The following ALCAM variants were observed in gnomAD, a reference collection of about 807,000 sequenced individuals.
The protein encoded by ALCAM is activated leukocyte cell adhesion molecule.
A neutral mutation model predicts 70.9 loss-of-function variants in ALCAM; 30 were observed. That is an observed-to-expected ratio of 0.42 (90% confidence interval 0.32 to 0.57). The LOEUF (loss-of-function observed/expected upper bound fraction) is 0.57, where lower values mean the gene tolerates loss of function less well. Ranked by LOEUF, ALCAM falls within the 20% of genes least tolerant of loss-of-function variation. ALCAM has a pLI of 0.11. For missense variants in ALCAM, 591 were observed against 695.1 expected, an observed-to-expected ratio of 0.85 and a Z score of 1.68; for synonymous variants, 249 against 242.5, an observed-to-expected ratio of 1.03 and a Z score of -0.25.
At chr3:105,493,097 G>A (rs1938634780) in intron 1 of ALCAM, among the ~76,000 whole-genome samples, 1 of 152,096 alleles carries the variant, frequency 6.6e-6, no homozygotes, top group South Asian at 2.1e-4. Context: ...CAGCACTGTA[G>A]TATGAGGAAA....
intron 14 of ALCAM, 164 bp downstream of exon 14, chr3:105,552,749 C>T (rs1940440493): frequency 2.1e-6 from 3 of 1,446,724 alleles, no homozygotes; most frequent in Admixed American, 2.6e-5. Flanking sequence ...ATTTTGACTA[C>T]ACTGCCTTTG....
At chr3:105,535,586 A>C (rs1160121637) in intron 6 of ALCAM, among the ~76,000 whole-genome samples, 1 of 152,132 alleles carries the variant, frequency 6.6e-6, no homozygotes, top group East Asian at 1.9e-4. Context: ...TACCTAACTG[A>C]TAGTGTTGTT....
chr3:105,503,284 G>T (rs1938974092), intron 1 of ALCAM, among the ~76,000 whole-genome samples: 1 of 152,204 alleles, frequency 6.6e-6, no homozygotes. Context: ...TTTCCTATTT[G>T]CCTAGTGAGT....
rs752648501 is a variant in ALCAM, at chr3:105,494,176, C to A, written c.74-25891C>A. Among the ~76,000 whole-genome samples, 11 of 152,174 alleles carry A rather than the reference C, an allele frequency of 7.2e-5. No individual in the cohort carries two copies. The South Asian group carries it at 1.7e-3, about 23-fold the overall frequency. ...GAAATCTCTGTGAGACATATGGGCC[C>A]AATGGGGGGGAAAAAGCTATTATAT... is the stretch of plus-strand genomic sequence containing the variant. On this transcript the variant is annotated intron_variant, in intron 1 of 15. Coordinates refer to ENST00000306107, the MANE Select transcript of ALCAM (RefSeq NM_001627.4).
chr3:105,437,638 C>A (rs954349104), intron 1 of ALCAM, among the ~76,000 whole-genome samples: 8 of 152,012 alleles, frequency 5.3e-5, no homozygotes, highest in Admixed American at 5.2e-4. Flanking sequence ...ATACATATAT[C>A]ATCTTTCTAG....
intron 1 of ALCAM, among the ~76,000 whole-genome samples, chr3:105,451,351 T>G (rs537689413): frequency 1.1e-4 from 17 of 149,140 alleles, no homozygotes; most frequent in African/African-American, 3.9e-4. Context: ...GATGAAGAGA[T>G]AAGAAAAAAA....
chr3:105,373,082 T>C (rs1935278002), intron 1 of ALCAM, among the ~76,000 whole-genome samples: 1 of 152,122 alleles, frequency 6.6e-6, no homozygotes, highest in Non-Finnish European at 1.5e-5. Flanking sequence ...TATTACATCA[T>C]ATGAGTTTCC....
intron 1 of ALCAM, among the ~76,000 whole-genome samples, chr3:105,382,750 G>C (rs1451232001): frequency 3.9e-5 from 6 of 151,912 alleles, no homozygotes; most frequent in Non-Finnish European, 5.9e-5. Context: ...TTTGAGAACT[G>C]TCTGTTCATA....
intron 14 of ALCAM, among the ~76,000 whole-genome samples, chr3:105,561,193 A>G (rs1940623272): frequency 6.6e-6 from 1 of 152,106 alleles, no homozygotes. Flanking sequence ...AATTGTTCCT[A>G]GTAGTATGTG....
chr3:105,411,502 G>T (rs879927665), intron 1 of ALCAM, among the ~76,000 whole-genome samples: 24 of 152,054 alleles, frequency 1.6e-4, no homozygotes, highest in Admixed American at 4.6e-4. Flanking sequence ...AGGAGCATTA[G>T]CTAACATTTT....
chr3:105,536,943 G>A (rs1020204336), intron 6 of ALCAM, among the ~76,000 whole-genome samples: 2 of 152,128 alleles, frequency 1.3e-5, no homozygotes, highest in African/African-American at 2.4e-5. Flanking sequence ...ATAGGACGGT[G>A]ATTGACACTC....
chr3:105,475,472 T>G (rs1421719999), intron 1 of ALCAM, among the ~76,000 whole-genome samples: 1 of 152,004 alleles, frequency 6.6e-6, no homozygotes, highest in Non-Finnish European at 1.5e-5. Context: ...ACTAATTTGC[T>G]GGCTATGTTA....
chr3:105,532,987 T>G (rs928109483), intron 4 of ALCAM, among the ~76,000 whole-genome samples: 1 of 152,168 alleles, frequency 6.6e-6, no homozygotes, highest in Non-Finnish European at 1.5e-5. Flanking sequence ...GAGTTCCATA[T>G]TGAATAATAA....
chr3:105,401,627 T>A (rs1256588413), intron 1 of ALCAM, among the ~76,000 whole-genome samples: 1 of 152,178 alleles, frequency 6.6e-6, no homozygotes, highest in Non-Finnish European at 1.5e-5. Context: ...TTGTAGTATG[T>A]CTAAAATTTG....
chr3:105,506,024 G>A (rs1448762453), intron 1 of ALCAM, among the ~76,000 whole-genome samples: 1 of 152,084 alleles, frequency 6.6e-6, no homozygotes, highest in Non-Finnish European at 1.5e-5. Context: ...CTTGGTGACT[G>A]TTAAATAAGA....
At chr3:105,483,193 T>C (rs1938320583) in intron 1 of ALCAM, among the ~76,000 whole-genome samples, 1 of 152,198 alleles carries the variant, frequency 6.6e-6, no homozygotes, top group African/African-American at 2.4e-5. Context: ...TCTTCATTTA[T>C]TACAATAAAG....
intron 6 of ALCAM, among the ~76,000 whole-genome samples, chr3:105,539,553 T>A (rs1311851497): frequency 6.6e-6 from 1 of 152,096 alleles, no homozygotes; most frequent in African/African-American, 2.4e-5. Flanking sequence ...AGTATTATCA[T>A]GCAATATGAG....
At chr3:105,418,119 G>A (rs1936552886) in intron 1 of ALCAM, among the ~76,000 whole-genome samples, 1 of 151,648 alleles carries the variant, frequency 6.6e-6, no homozygotes, top group Admixed American at 6.6e-5. Flanking sequence ...CTAATATATG[G>A]CTGTGGTCTT....
At chr3:105,372,653 G>A (rs1362486456) in intron 1 of ALCAM, among the ~76,000 whole-genome samples, 1 of 152,050 alleles carries the variant, frequency 6.6e-6, no homozygotes, top group Non-Finnish European at 1.5e-5. Context: ...GTCTATACTT[G>A]TCTGGTCTAA....
Sources: allele counts gnomAD v4.1 joint callset (sites outside exome capture counted in the v4.1 genomes callset), GRCh38; gene constraint gnomAD v4.1.1; transcripts MANE v1.5; gene names NCBI Gene and HGNC (gene_info 2026-07-23, HGNC 2026-07-21).